LPP: variants seen among roughly 807,000 people sequenced by gnomAD.
The protein encoded by LPP is LIM domain containing preferred translocation partner in lipoma, also known as lipoma-preferred partner.
A neutral mutation model predicts 60.4 loss-of-function variants in LPP; 38 were observed. That is an observed-to-expected ratio of 0.63 (90% CI 0.49 to 0.83). The LOEUF (loss-of-function observed/expected upper bound fraction) is 0.83, where lower values mean the gene tolerates loss of function less well. LPP is among the 40% of genes least tolerant of loss of function. The pLI is 0.00. For missense variants in LPP, 902 were observed against 783.6 expected, an observed-to-expected ratio of 1.15 and a Z score of -1.80; for synonymous variants, 328 against 290.8, an observed-to-expected ratio of 1.13 and a Z score of -1.30.
rs542901678 is a variant in LPP, at chr3:188,677,448, T to C, written c.1114-30819T>C. On this transcript the variant is annotated intron_variant, in intron 7 of 11. Coordinates refer to ENST00000617246, the MANE Select transcript of LPP (RefSeq NM_001375462.1). ...TAAATCTGCTCCTCAGTTTCTGGTA[T>C]CTCTTCAGGAGAGATGCCCTCTTAC... 2.6e-5 allele frequency among the ~76,000 whole-genome samples: 4 copies of C among 152,322 alleles called. No homozygotes were observed. In the East Asian group the frequency reaches 5.8e-4, roughly 22 times the overall value.
chr3:188,428,601 T>TG (rs1560392451), intron 4 of LPP, among the ~76,000 whole-genome samples: 1 of 149,666 alleles, frequency 6.7e-6, no homozygotes, highest in Non-Finnish European at 1.5e-5. Flanking sequence ...TATATATTTT[T>TG]TTTTTTTAAC....
chr3:188,430,840 TGAG>T (rs1470343723), intron 4 of LPP, among the ~76,000 whole-genome samples: 1 of 152,040 alleles, frequency 6.6e-6, no homozygotes, highest in African/African-American at 2.4e-5. Flanking sequence ...AGCTCAACAT[TGAG>T]ATTTTTTTTT....
intron 7 of LPP, among the ~76,000 whole-genome samples, chr3:188,630,467 G>T (rs567773066): frequency 6.6e-6 from 1 of 152,192 alleles, no homozygotes; most frequent in South Asian, 2.1e-4. Context: ...AAAATTAATA[G>T]ATGTTGGCAA....
At chr3:188,646,133 T>C (rs140720715) in intron 7 of LPP, among the ~76,000 whole-genome samples, 1 of 152,358 alleles carries the variant, frequency 6.6e-6, no homozygotes, top group East Asian at 1.9e-4. Context: ...GAAGAAATGA[T>C]ATTATGGATA....
chr3:188,371,813 C>A (rs1385219290), intron 3 of LPP, among the ~76,000 whole-genome samples: 2 of 149,918 alleles, frequency 1.3e-5, no homozygotes, highest in African/African-American at 4.9e-5. Flanking sequence ...CACCACGACA[C>A]CTGGCTAATT....
intron 1 of LPP, among the ~76,000 whole-genome samples, chr3:188,203,749 G>C (rs181517520): frequency 6.7e-6 from 1 of 150,120 alleles, no homozygotes; most frequent in African/African-American, 2.5e-5. Context: ...CCAAAGTGCT[G>C]GGATTACAGG....
chr3:188,645,814 A>G (rs1851006220), intron 7 of LPP, among the ~76,000 whole-genome samples: 1 of 151,892 alleles, frequency 6.6e-6, no homozygotes, highest in Non-Finnish European at 1.5e-5. Flanking sequence ...AAGTTCAAAA[A>G]AAAAAACAGA....
rs549538561 is a variant in LPP, at chr3:188,888,390, C to T, written c.*13911C>T. 20 of 227,614 alleles carry T rather than the reference C, an allele frequency of 8.8e-5. No individual in the cohort carries two copies. Among genetic ancestry groups the T allele is most frequent in the East Asian group, 6.3e-4 (10 of 15,924 alleles). The allele number at this position is 227,614 out of a possible 1,614,324, so 14.1% of individuals were successfully genotyped here. A position where few individuals can be genotyped will look rare whatever the true frequency, so the allele number is the denominator to read the frequency against. ...TTTCATGCCTTTTCTCTTTCTGTGC[C>T]GTCACCTTTGAGAAAAACGATTGCA... On this transcript the variant is annotated 3_prime_UTR_variant, in exon 12 of 12. Transcript: ENST00000617246.
Position 188,882,193 on chromosome 3 carries a change from A to G in LPP, c.*7714A>G, listed in dbSNP as rs1394609834. 1 of 215,096 alleles carries G rather than the reference A, an allele frequency of 4.6e-6. No individual in the cohort carries two copies. The highest frequency in any genetic ancestry group is 9.4e-6 in the Non-Finnish European group (1 of 106,792). 13.3% of individuals were successfully genotyped at this position (215,096 alleles called of 1,614,324 possible). ...ATTCCAGTGACATTAGTAAGACTTTATGGAGTACATAAAATTTGATAAGAA... is the reference window on the plus strand; with the variant it reads ...ATTCCAGTGACATTAGTAAGACTTTGTGGAGTACATAAAATTTGATAAGAA... On this transcript the variant is annotated 3_prime_UTR_variant, in exon 12 of 12. Coordinates refer to ENST00000617246, the MANE Select transcript of LPP (RefSeq NM_001375462.1).
chr3:188,371,642 T>TATATATATATATATATATA (rs1553878070), intron 3 of LPP, among the ~76,000 whole-genome samples: 11 of 16,224 alleles, frequency 6.8e-4, no homozygotes, highest in African/African-American at 1.5e-3. Context: ...TATATATATA[T>TATATATATATATATATATA]TTTTTTTTTT....
At chr3:188,413,185 G>A (rs897185660) in intron 4 of LPP, among the ~76,000 whole-genome samples, 2 of 152,106 alleles carry the variant, frequency 1.3e-5, no homozygotes, top group African/African-American at 4.8e-5. Flanking sequence ...ATATTTAAAG[G>A]AATAATTTAG....
chr3:188,178,956 TG>T (rs1723942814), intron 1 of LPP: 1 of 244,326 alleles, frequency 4.1e-6, no homozygotes, highest in African/African-American at 2.6e-5. Context: ...AGGCCAGAGG[TG>T]GGGAGTGGGA....
At chr3:188,850,541 G>A (rs539451265) in intron 9 of LPP, among the ~76,000 whole-genome samples, 1 of 152,168 alleles carries the variant, frequency 6.6e-6, no homozygotes, top group South Asian at 2.1e-4. Flanking sequence ...AGAGGGTCAA[G>A]TCAAATTTCA....
chr3:188,877,063 A>AG lies in LPP; in HGVS notation c.*2585dup, dbSNP rs1769331385. The AG allele has an allele frequency of 7.9e-6, 1 of 125,852 alleles. No homozygotes were observed. Among genetic ancestry groups the AG allele is most frequent in the East Asian group, 1.2e-4 (1 of 8,292 alleles). 7.8% of individuals were successfully genotyped at this position (125,852 alleles called of 1,614,324 possible). A position where few individuals can be genotyped will look rare whatever the true frequency, so the allele number is the denominator to read the frequency against. On this transcript the variant is annotated 3_prime_UTR_variant, in exon 12 of 12. Transcript: ENST00000617246. Reference sequence around the variant, plus strand: ...CATATGTAGAAACATTTAGATTTAGAGTTTTTTTTTTCTTTCACAAGGTAT... The same window carrying AG: ...CATATGTAGAAACATTTAGATTTAGAGGTTTTTTTTTTCTTTCACAAGGTAT...
At chr3:188,462,579 TATATATGC>T (rs1560436414) in intron 4 of LPP, among the ~76,000 whole-genome samples, 4 of 60,610 alleles carry the variant, frequency 6.6e-5, no homozygotes, top group Non-Finnish European at 1.3e-4. Flanking sequence ...TATATATATA[TATATATGC>T]ATGTGTGTGT....
intron 7 of LPP, among the ~76,000 whole-genome samples, chr3:188,624,315 T>TA (rs1846360351): frequency 6.6e-6 from 1 of 152,210 alleles, no homozygotes; most frequent in African/African-American, 2.4e-5. Context: ...AAATAAGCTG[T>TA]AAAATCCAGC....
In LPP at chr3:188,874,556, C is replaced by G; in HGVS notation, c.*77C>G. The stretch of plus-strand genomic sequence containing the variant: ...TAAGAAATACTAGAGTAAAGGCCAT[C>G]AAACTACGCGATAGTCTCTGTTCTT... On this transcript the variant is annotated 3_prime_UTR_variant, in exon 12 of 12. Coordinates refer to ENST00000617246, the MANE Select transcript of LPP (RefSeq NM_001375462.1). 1 of 1,496,090 alleles carries G rather than the reference C, an allele frequency of 6.7e-7. No individual in the cohort carries two copies. Among genetic ancestry groups the G allele is most frequent in the Non-Finnish European group, 9.2e-7 (1 of 1,092,310 alleles). 92.7% of individuals were successfully genotyped at this position (1,496,090 alleles called of 1,614,324 possible).
chr3:188,844,349 A>C (rs1013366800), intron 9 of LPP, among the ~76,000 whole-genome samples: 1 of 152,212 alleles, frequency 6.6e-6, no homozygotes, highest in Admixed American at 6.5e-5. Context: ...CAACGTATTT[A>C]ATACTTCCTC....
At chr3:188,671,546 A>T (rs1375087773) in intron 7 of LPP, among the ~76,000 whole-genome samples, 1 of 152,212 alleles carries the variant, frequency 6.6e-6, no homozygotes, top group Non-Finnish European at 1.5e-5. Context: ...TTACATCTTG[A>T]CATGATAAAA....
Sources: allele counts gnomAD v4.1 joint callset (sites outside exome capture counted in the v4.1 genomes callset), GRCh38; gene constraint gnomAD v4.1.1; transcripts MANE v1.5; gene names NCBI Gene and HGNC (gene_info 2026-07-23, HGNC 2026-07-21).